The following CD200R1 variants were observed in gnomAD, a reference collection of about 807,000 sequenced individuals.
The protein encoded by CD200R1 is CD200 receptor 1.
In CD200R1, 30 loss-of-function variants were observed where a neutral mutation model predicts 38.1. The observed-to-expected ratio is 0.79, with a 90% CI of 0.59 to 1.07. CD200R1 has a LOEUF of 1.07. Among genes scored for constraint, CD200R1 ranks in the 50% least tolerant of loss-of-function variants. The pLI, the probability that CD200R1 is intolerant of heterozygous loss-of-function variation, is 0.00. For synonymous variants in CD200R1, 128 were observed against 152.1 expected (o/e 0.84, Z 1.16); for missense variants, 372 against 415.4 (o/e 0.90, Z 0.91).
chr3:112,929,744 A>G (rs1434326980), intron 3 of CD200R1, among the ~76,000 whole-genome samples: 1 of 152,130 alleles, frequency 6.6e-6, no homozygotes, highest in African/African-American at 2.4e-5. Flanking sequence ...GATATATAAT[A>G]AAGTATTTTT....
chr3:112,931,972 G>A (rs1344442524), intron 2 of CD200R1, among the ~76,000 whole-genome samples: 1 of 152,102 alleles, frequency 6.6e-6, no homozygotes, highest in African/African-American at 2.4e-5. Flanking sequence ...GAAAACATAA[G>A]CAGAAGAACC....
chr3:112,928,736 A>G, intron 5 of CD200R1, 80 bp downstream of exon 5: 1 of 1,154,108 alleles, frequency 8.7e-7, no homozygotes, highest in Non-Finnish European at 1.2e-6. Flanking sequence ...CGAACAAAAT[A>G]TATTTGCACA....
At chr3:112,941,152 G>A (rs1295616733) in intron 2 of CD200R1, among the ~76,000 whole-genome samples, 2 of 151,654 alleles carry the variant, frequency 1.3e-5, no homozygotes, top group Non-Finnish European at 3.0e-5. Flanking sequence ...AGACTACAAA[G>A]GGTAAGGGAA....
In CD200R1 at chr3:112,922,736, C is replaced by A. The variant is rs1940197672; in HGVS notation, c.*941G>T. The A allele has an allele frequency of 6.6e-6, 1 of 151,822 alleles. No individual in the cohort carries two copies. The highest frequency in any genetic ancestry group is 6.6e-5 in the Admixed American group (1 of 15,190). 9.4% of individuals were successfully genotyped at this position (151,822 alleles called of 1,614,324 possible). A position where few individuals can be genotyped will look rare whatever the true frequency, so the allele number is the denominator to read the frequency against. ...TAGTATAATTCTTATTATAATCTCA[C>A]ATCATATTTAATCTGGTTGATTAAA... On this transcript the variant is annotated 3_prime_UTR_variant, in exon 8 of 8. Coordinates refer to ENST00000308611, the MANE Select transcript of CD200R1 (RefSeq NM_138806.4).
intron 1 of CD200R1, among the ~76,000 whole-genome samples, chr3:112,960,581 A>C (rs1447557622): frequency 6.6e-6 from 1 of 152,058 alleles, no homozygotes; most frequent in East Asian, 1.9e-4. Context: ...ACACAGTATG[A>C]TTCCGTTTCT....
At chr3:112,962,193 A>AT (rs1933036331) in intron 1 of CD200R1, among the ~76,000 whole-genome samples, 1 of 151,978 alleles carries the variant, frequency 6.6e-6, no homozygotes, top group East Asian at 1.9e-4. Context: ...TTTTGGGAGT[A>AT]TTTTTTTGAG....
rs1423719785 is a variant in CD200R1 at position 112,921,700 on chromosome 3, AT to A, written c.*1976del. Reference sequence around the variant, plus strand: ...AGCGTGGATTTGGAGAATATATATAATTTTTTATATCATTCTAATGTTCAAC... The same window carrying A: ...AGCGTGGATTTGGAGAATATATATAATTTTTATATCATTCTAATGTTCAAC... On this transcript the variant is annotated 3_prime_UTR_variant, in exon 8 of 8. Coordinates refer to ENST00000308611, the MANE Select transcript of CD200R1 (RefSeq NM_138806.4). The A allele has an allele frequency of 6.6e-6, 1 of 151,966 alleles. No individual in the cohort carries two copies. Among genetic ancestry groups the A allele is most frequent in the African/African-American group, 2.4e-5 (1 of 41,406 alleles). 9.4% of individuals were successfully genotyped at this position (151,966 alleles called of 1,614,324 possible).
intron 1 of CD200R1, among the ~76,000 whole-genome samples, chr3:112,967,653 G>A (rs1933202163): frequency 6.6e-6 from 1 of 152,224 alleles, no homozygotes; most frequent in South Asian, 2.1e-4. Context: ...CTGGCTGACA[G>A]AATAACCCAC....
intron 2 of CD200R1, among the ~76,000 whole-genome samples, chr3:112,936,390 C>A (rs927240160): frequency 1.3e-5 from 2 of 152,188 alleles, no homozygotes; most frequent in African/African-American, 2.4e-5. Context: ...TTGTCTTCCA[C>A]AATGGTTGCA....
intron 2 of CD200R1, among the ~76,000 whole-genome samples, chr3:112,934,872 CT>C (rs1940540557): frequency 6.6e-6 from 1 of 151,984 alleles, no homozygotes; most frequent in Non-Finnish European, 1.5e-5. Flanking sequence ...CTCATCTCAC[CT>C]GTAAAGACAC....
At chr3:112,947,950 G>A in intron 1 of CD200R1, 26 bp from the exon 2 acceptor site, 1 of 1,477,116 alleles carries the variant, frequency 6.8e-7, no homozygotes, top group Non-Finnish European at 9.5e-7. Context: ...GACATAGGGG[G>A]TAGAGAGAGA....
intron 2 of CD200R1, among the ~76,000 whole-genome samples, chr3:112,939,994 T>C (rs1390661177): frequency 1.3e-5 from 2 of 151,546 alleles, no homozygotes; most frequent in Non-Finnish European, 2.9e-5. Flanking sequence ...TGGAACAGCA[T>C]AGAGAACCCA....
At chr3:112,961,177 A>G (rs142727041) in intron 1 of CD200R1, among the ~76,000 whole-genome samples, 74 of 152,226 alleles carry the variant, frequency 4.9e-4, no homozygotes, top group African/African-American at 1.7e-3. Context: ...TACCCCTGGA[A>G]TCTCGCAGGG....
At chr3:112,966,448 A>C (rs1933164340) in intron 1 of CD200R1, among the ~76,000 whole-genome samples, 1 of 152,262 alleles carries the variant, frequency 6.6e-6, no homozygotes, top group Non-Finnish European at 1.5e-5. Flanking sequence ...TTTGTGAAGA[A>C]TAAAAATAGC....
At chr3:112,944,615 A>T (rs1247902811) in intron 2 of CD200R1, among the ~76,000 whole-genome samples, 1 of 152,036 alleles carries the variant, frequency 6.6e-6, no homozygotes, top group East Asian at 1.9e-4. Flanking sequence ...TTTCTAACTA[A>T]TTCACCACTG....
chr3:112,970,369 T>G (rs1245419776), intron 1 of CD200R1, among the ~76,000 whole-genome samples: 3 of 152,194 alleles, frequency 2.0e-5, no homozygotes, highest in Admixed American at 6.5e-5. Context: ...AAGGGCTGAT[T>G]GTGACTGTGT....
At chr3:112,933,504 A>C (rs957422124) in intron 2 of CD200R1, among the ~76,000 whole-genome samples, 1 of 152,222 alleles carries the variant, frequency 6.6e-6, no homozygotes, top group African/African-American at 2.4e-5. Flanking sequence ...TAAGAAGCCT[A>C]CACCATAAAA....
rs554195753 is a variant in CD200R1 at position 112,928,859 on chromosome 3, G to T, written c.726C>A (p.Ser242=). The T allele has an allele frequency of 2.5e-6, 4 of 1,613,688 alleles. No individual in the cohort carries two copies. In the African/African-American group the frequency reaches 5.3e-5, roughly 22 times the overall value. The change falls in exon 5 of 8, where the codon TCC becomes TCA. Residue 242 remains serine, a synonymous_variant. Coordinates refer to ENST00000308611, the MANE Select transcript of CD200R1 (RefSeq NM_138806.4). ...ACAGACTCTTGTTGCCAGTCAAATG[G>T]GAGACGTGGCAGGTCACGGTAGACA... is the stretch of plus-strand genomic sequence containing the variant. ...HNVSTVTCHV[S]HLTGNKSLYI...
intron 1 of CD200R1, among the ~76,000 whole-genome samples, chr3:112,956,261 ATTCT>A (rs745928426): frequency 9.3e-5 from 14 of 151,332 alleles, no homozygotes; most frequent in Non-Finnish European, 1.6e-4. Context: ...AAGTTCACAG[ATTCT>A]TCCTTTTGCT....
Sources: allele counts gnomAD v4.1 joint callset (sites outside exome capture counted in the v4.1 genomes callset), GRCh38; gene constraint gnomAD v4.1.1; transcripts MANE v1.5; gene names NCBI Gene and HGNC (gene_info 2026-07-23, HGNC 2026-07-21).